Variants in DLC1 observed in about 807,000 individuals in gnomAD.
DLC1 encodes DLC1 Rho GTPase activating protein.
DLC1 carries 54 observed loss-of-function variants against 140.3 expected under a neutral mutation model. That is an observed-to-expected ratio of 0.38 (90% CI 0.31 to 0.48). The LOEUF is 0.48. DLC1 is among the 20% of genes least tolerant of loss of function. The pLI, the probability that DLC1 is intolerant of heterozygous loss-of-function variation, is 0.96. For synonymous variants in DLC1, 986 were observed against 728.1 expected, an observed-to-expected ratio of 1.35 and a Z score of -5.70; for missense variants, 2,536 against 1,907.0, an observed-to-expected ratio of 1.33 and a Z score of -6.14.
intron 1 of DLC1, among the ~76,000 whole-genome samples, chr8:13,570,620 T>A (rs78834946): frequency 6.6e-6 from 1 of 151,116 alleles, no homozygotes; most frequent in Non-Finnish European, 1.5e-5. Flanking sequence ...ACAAAGGACA[T>A]GAACTCATCA....
At chr8:13,221,852 TTAA>T (rs1468256184) in intron 5 of DLC1, among the ~76,000 whole-genome samples, 1 of 143,878 alleles carries the variant, frequency 7.0e-6, no homozygotes, top group African/African-American at 2.5e-5. Context: ...ATAAAATATA[TTAA>T]TATATTAATA....
chr8:13,321,002 T>C (rs762630363), intron 4 of DLC1, among the ~76,000 whole-genome samples: 3 of 152,294 alleles, frequency 2.0e-5, no homozygotes, highest in Admixed American at 1.3e-4. Flanking sequence ...CAGATGCAGA[T>C]GCCAGCACCA....
At chr8:13,439,313 G>C (rs1345187221) in intron 2 of DLC1, among the ~76,000 whole-genome samples, 3 of 152,034 alleles carry the variant, frequency 2.0e-5, no homozygotes, top group African/African-American at 7.2e-5. Context: ...GACAGAGTGA[G>C]AGTCCATGTC....
Position 13,366,448 on chromosome 8 carries a change from G to A in DLC1, c.1314+27105C>T, listed in dbSNP as rs112098338. ...CACATGGTAGGTGTGTGAATGGGGA[G>A]GTTCTATGGTTAACACTATGAGTGA... On this transcript the variant is annotated intron_variant, in intron 4 of 17. Transcript: ENST00000276297. 6.8e-3 allele frequency among the ~76,000 whole-genome samples: 1,039 copies of A among 152,276 alleles called. 7 individuals carry two copies. Among genetic ancestry groups the A allele is most frequent in the Non-Finnish European group, 0.011 (757 of 68,022 alleles).
At chr8:13,220,925 ATG>A (rs1190166240) in intron 5 of DLC1, among the ~76,000 whole-genome samples, 1 of 152,198 alleles carries the variant, frequency 6.6e-6, no homozygotes, top group Non-Finnish European at 1.5e-5. Flanking sequence ...CCAGTCAAGA[ATG>A]TCAGCAAGAC....
intron 5 of DLC1, among the ~76,000 whole-genome samples, chr8:13,128,705 G>A (rs980374470): frequency 6.6e-6 from 1 of 152,034 alleles, no homozygotes. Flanking sequence ...TTGTGGCGGC[G>A]CCTACTGTAG....
At chr8:13,475,198 G>T (rs146860601) in intron 2 of DLC1, among the ~76,000 whole-genome samples, 2 of 152,130 alleles carry the variant, frequency 1.3e-5, no homozygotes, top group East Asian at 3.9e-4. Context: ...ATTGATTGCT[G>T]TTTTTTCTGT....
chr8:13,458,039 C>G (rs556990009), intron 2 of DLC1, among the ~76,000 whole-genome samples: 1 of 152,212 alleles, frequency 6.6e-6, no homozygotes, highest in African/African-American at 2.4e-5. Context: ...AATTGAAAAA[C>G]TGAGAGTATG....
At chr8:13,232,613 G>T (rs1040811057) in intron 5 of DLC1, among the ~76,000 whole-genome samples, 8 of 152,186 alleles carry the variant, frequency 5.3e-5, no homozygotes, top group African/African-American at 1.9e-4. Context: ...TTACAGGCAT[G>T]AGCCACGGTG....
intron 5 of DLC1, among the ~76,000 whole-genome samples, chr8:13,186,795 C>T (rs964918308): frequency 1.3e-5 from 2 of 152,176 alleles, no homozygotes; most frequent in Admixed American, 6.5e-5. Context: ...GTTTTATCTA[C>T]CTTTGGACTT....
At chr8:13,312,386 A>AAAAAATAAAAAT (rs71207139) in intron 4 of DLC1, among the ~76,000 whole-genome samples, 1 of 81,680 alleles carries the variant, frequency 1.2e-5, no homozygotes, top group Non-Finnish European at 2.5e-5. Context: ...AAAAAAAAAA[A>AAAAAATAAAAAT]AATAATTTCT....
At chr8:13,543,705 G>C (rs1453424234) in intron 1 of DLC1, among the ~76,000 whole-genome samples, 2 of 152,106 alleles carry the variant, frequency 1.3e-5, no homozygotes, top group African/African-American at 4.8e-5. Context: ...CTTGGATGAA[G>C]CTGGAGGCCA....
At chr8:13,161,480 A>C (rs1235029185) in intron 5 of DLC1, among the ~76,000 whole-genome samples, 1 of 152,098 alleles carries the variant, frequency 6.6e-6, no homozygotes, top group African/African-American at 2.4e-5. Flanking sequence ...AGCTGGGACT[A>C]CAGGCACGCA....
Position 13,450,483 on chromosome 8 carries a change from G to T in DLC1, c.1023+48566C>A, listed in dbSNP as rs1052767167. Among the ~76,000 whole-genome samples, 31 of 140,488 alleles carry T rather than the reference G, an allele frequency of 2.2e-4. 1 individual carries two copies. Among genetic ancestry groups the T allele is most frequent in the Admixed American group, 2.1e-3 (29 of 14,046 alleles). The allele number at this position is 140,488 out of a possible 152,430, so 92.2% of individuals were successfully genotyped here. A position where few individuals can be genotyped will look rare whatever the true frequency, so the allele number is the denominator to read the frequency against. On this transcript the variant is annotated intron_variant, in intron 2 of 17. Coordinates refer to ENST00000276297, the MANE Select transcript of DLC1 (RefSeq NM_182643.3). ...AAAAAAAAAAAAAAAAAAGGCCGAAGAGAAATTCTGCAGTTACACCTTTTT... is the reference window on the plus strand; with the variant it reads ...AAAAAAAAAAAAAAAAAAGGCCGAATAGAAATTCTGCAGTTACACCTTTTT...
chr8:13,172,073 G>A (rs1825515519), intron 5 of DLC1, among the ~76,000 whole-genome samples: 1 of 152,126 alleles, frequency 6.6e-6, no homozygotes, highest in South Asian at 2.1e-4. Flanking sequence ...CAATAATTGT[G>A]CTTCATCTAT....
chr8:13,095,995 G>C (rs1201956691), intron 10 of DLC1: 1 of 152,190 alleles, frequency 6.6e-6, no homozygotes, highest in African/African-American at 2.4e-5. Flanking sequence ...CAGGCTCCCT[G>C]GTGTCCTGAA....
chr8:13,522,372 C>A (rs899878018), intron 1 of DLC1, among the ~76,000 whole-genome samples: 6 of 152,126 alleles, frequency 3.9e-5, no homozygotes, highest in Non-Finnish European at 8.8e-5. Context: ...GGCCTGTAAT[C>A]CCAGCACTTT....
At chr8:13,539,391 G>T (rs572472594) in intron 1 of DLC1, among the ~76,000 whole-genome samples, 3 of 152,108 alleles carry the variant, frequency 2.0e-5, no homozygotes, top group South Asian at 4.1e-4. Flanking sequence ...TGGTAGAGAC[G>T]GGGTTTCATC....
chr8:13,133,147 A>G (rs1401759978), intron 5 of DLC1: 63 of 1,447,990 alleles, frequency 4.4e-5, no homozygotes, highest in Non-Finnish European at 5.7e-5. Flanking sequence ...CCAGAAAGAA[A>G]GCGGGGTTTT....
Sources: gnomAD v4.1 joint callset for allele counts (sites outside exome capture counted in the v4.1 genomes callset) on GRCh38, gnomAD v4.1.1 for gene constraint, MANE v1.5 for transcripts, NCBI Gene and HGNC (gene_info 2026-07-23, HGNC 2026-07-21) for gene names.